The following XPO4 variants were observed in gnomAD, a reference collection of about 807,000 sequenced individuals.
XPO4 encodes exportin 4.
In XPO4, 39 loss-of-function variants were observed where a neutral mutation model predicts 143.0. The ratio of observed to expected loss-of-function variants is 0.27; its 90% CI spans 0.21 to 0.36. XPO4 has a LOEUF of 0.36. Ranked by LOEUF, XPO4 falls within the 10% of genes least tolerant of loss-of-function variation. XPO4 has a pLI of 1.00. For missense variants in XPO4, 907 were observed against 1,348.0 expected (o/e 0.67, Z 5.12); for synonymous variants, 439 against 474.0 (o/e 0.93, Z 0.96).
intron 1 of XPO4, among the ~76,000 whole-genome samples, chr13:20,883,768 T>G (rs1021353452): frequency 2.6e-5 from 4 of 152,092 alleles, no homozygotes; most frequent in Non-Finnish European, 5.9e-5. Flanking sequence ...TTGTATTGGG[T>G]TTTTTTGTTT....
intron 4 of XPO4, chr13:20,849,423 A>C (rs894784511): frequency 1.9e-5 from 19 of 984,720 alleles, no homozygotes; most frequent in Non-Finnish European, 1.9e-5. Context: ...TACTGCTTTC[A>C]AAGGAAATAA....
chr13:20,881,616 C>T (rs2138159128), intron 1 of XPO4, among the ~76,000 whole-genome samples: 1 of 151,996 alleles, frequency 6.6e-6, no homozygotes, highest in East Asian at 1.9e-4. Flanking sequence ...CTTTTATGAG[C>T]AATATAATAA....
Position 20,857,983 on chromosome 13 carries a change from C to T in XPO4, c.318-2218G>A. 7 of 984,666 alleles carry T rather than the reference C, an allele frequency of 7.1e-6. No homozygotes were observed. In the South Asian group the frequency reaches 3.3e-4, roughly 46 times the overall value. The allele number at this position is 984,666 out of a possible 1,614,324, so 61.0% of individuals were successfully genotyped here. A position where few individuals can be genotyped will look rare whatever the true frequency, so the allele number is the denominator to read the frequency against. On this transcript the variant is annotated intron_variant, in intron 3 of 22. Transcript: ENST00000255305. Reference sequence around the variant, plus strand: ...ATTTATGTAATAGTCTACTACATAGCCTATAGTATTCTACCTATGCAGTAT... The same window carrying T: ...ATTTATGTAATAGTCTACTACATAGTCTATAGTATTCTACCTATGCAGTAT...
At chr13:20,849,080 C>T (rs949296747) in intron 4 of XPO4, 5 of 985,274 alleles carry the variant, frequency 5.1e-6, no homozygotes, top group Non-Finnish European at 6.0e-6. Flanking sequence ...CTGTCACAAG[C>T]CCAAGATACT....
At chr13:20,844,611 G>A (rs1410076849) in intron 4 of XPO4, among the ~76,000 whole-genome samples, 1 of 152,176 alleles carries the variant, frequency 6.6e-6, no homozygotes, top group Non-Finnish European at 1.5e-5. Flanking sequence ...AAGTCAAGAT[G>A]ATACTATTTA....
At chr13:20,810,801 G>A (rs1408241357) in intron 9 of XPO4, among the ~76,000 whole-genome samples, 4 of 152,266 alleles carry the variant, frequency 2.6e-5, no homozygotes, top group South Asian at 2.1e-4. Flanking sequence ...GGCTGTATAC[G>A]CTTCAAGATA....
intron 7 of XPO4, among the ~76,000 whole-genome samples, chr13:20,824,063 T>C (rs1331748566): frequency 2.0e-5 from 3 of 152,246 alleles, no homozygotes; most frequent in Non-Finnish European, 2.9e-5. Flanking sequence ...AATATGAACA[T>C]ATGACCTGCA....
intron 1 of XPO4, among the ~76,000 whole-genome samples, chr13:20,882,779 C>T (rs1332466615): frequency 6.6e-6 from 1 of 151,828 alleles, no homozygotes; most frequent in Non-Finnish European, 1.5e-5. Context: ...TCCAACTACT[C>T]CAGAGTCTGA....
rs1287295845 is a variant in XPO4 at position 20,809,218 on chromosome 13, T to C, written c.1358A>G (p.Asn453Ser). The C allele has an allele frequency of 1.9e-6, 3 of 1,613,446 alleles. No homozygotes were observed. Among genetic ancestry groups the C allele is most frequent in the Non-Finnish European group, 2.5e-6 (3 of 1,179,748 alleles). ...TTCCTCCTCACGAGAGGCCACACCA[T>C]TGGCAGTCTATTGCAAGTAAAAGAA... ...APDGTRNLTANGVASREEEEI... is the reference protein window; with the variant it reads ...APDGTRNLTASGVASREEEEI... The change falls in exon 11 of 23, where the codon AAT (asparagine) becomes AGT (serine). Residue 453 changes from asparagine (N) to serine (S), a missense_variant. Asn to Ser is a conservative substitution (Grantham distance 46). Coordinates refer to ENST00000255305, the MANE Select transcript of XPO4 (RefSeq NM_022459.5).
At chr13:20,821,507 T>C (rs917683871) in intron 9 of XPO4, among the ~76,000 whole-genome samples, 197 bp downstream of exon 9, 1 of 152,200 alleles carries the variant, frequency 6.6e-6, no homozygotes, top group African/African-American at 2.4e-5. Context: ...CCAGTAAATA[T>C]CACCAACTAA....
At chr13:20,852,003 C>G in intron 4 of XPO4, 1 of 985,378 alleles carries the variant, frequency 1.0e-6, no homozygotes, top group African/African-American at 1.7e-5. Context: ...GAACTCAGTT[C>G]CCAAGTATGT....
At chr13:20,857,928 A>ATC in intron 3 of XPO4, 1 of 985,178 alleles carries the variant, frequency 1.0e-6, no homozygotes, top group South Asian at 4.7e-5. Context: ...AAAAGAAAAA[A>ATC]TTCTGTGCAT....
intron 1 of XPO4, among the ~76,000 whole-genome samples, chr13:20,878,192 T>C (rs1256562765): frequency 6.6e-6 from 1 of 152,132 alleles, no homozygotes; most frequent in Non-Finnish European, 1.5e-5. Flanking sequence ...CTAACAAGTG[T>C]TTGGGGAAGT....
intron 1 of XPO4, among the ~76,000 whole-genome samples, chr13:20,879,498 G>A (rs183101213): frequency 1.4e-4 from 21 of 152,252 alleles, no homozygotes; most frequent in African/African-American, 4.6e-4. Flanking sequence ...GTCCTGTGTT[G>A]TCTATGTACC....
intron 1 of XPO4, among the ~76,000 whole-genome samples, chr13:20,870,078 T>C (rs1249305175): frequency 9.8e-6 from 1 of 101,782 alleles, no homozygotes; most frequent in African/African-American, 4.4e-5. Flanking sequence ...CTAGCCTGGG[T>C]GAAGGAGTCT....
rs1364382237 is a variant in XPO4 at position 20,888,925 on chromosome 13, C to A, written c.69+13745G>T. Among the ~76,000 whole-genome samples, 3 of 152,060 alleles carry A rather than the reference C, an allele frequency of 2.0e-5. No homozygotes were observed. In the East Asian group the frequency reaches 5.8e-4, roughly 29 times the overall value. On this transcript the variant is annotated intron_variant, in intron 1 of 22. Transcript: ENST00000255305. ...TCAAGTGATTCTCCTGCCTCAGCCT[C>A]CCAAGTACCTGGGGTCACAGGCGTG...
intron 19 of XPO4, among the ~76,000 whole-genome samples, chr13:20,789,995 C>A (rs1191340098): frequency 6.6e-6 from 1 of 152,194 alleles, no homozygotes; most frequent in African/African-American, 2.4e-5. Flanking sequence ...TTTAAAACAG[C>A]ATCAGTCTTG....
chr13:20,846,467 C>T (rs1036423167), intron 4 of XPO4, among the ~76,000 whole-genome samples: 3 of 152,146 alleles, frequency 2.0e-5, no homozygotes, highest in Non-Finnish European at 4.4e-5. Flanking sequence ...TTTTTAGTTA[C>T]GGCAATGAAT....
intron 4 of XPO4, among the ~76,000 whole-genome samples, chr13:20,846,992 A>G (rs1015248796): frequency 5.3e-5 from 8 of 152,308 alleles, no homozygotes; most frequent in African/African-American, 1.9e-4. Flanking sequence ...TGTACCTACG[A>G]TTATCAGCTT....
Sources: gnomAD v4.1 joint callset for allele counts (sites outside exome capture counted in the v4.1 genomes callset) on GRCh38, gnomAD v4.1.1 for gene constraint, MANE v1.5 for transcripts, NCBI Gene and HGNC (gene_info 2026-07-23, HGNC 2026-07-21) for gene names.